Variants in XYLT1 observed in about 807,000 individuals in gnomAD.
The protein encoded by XYLT1 is beta-D-xylosyltransferase 1.
XYLT1 carries 36 observed loss-of-function variants against 91.3 expected under a neutral mutation model. The observed-to-expected ratio is 0.39, with a 90% CI of 0.30 to 0.52. The LOEUF is 0.52. XYLT1 is among the 20% of genes least tolerant of loss of function. The pLI is 0.68. For synonymous variants in XYLT1, 588 were observed against 532.0 expected (o/e 1.11, Z -1.45); for missense variants, 1,242 against 1,284.5 (o/e 0.97, Z 0.51).
rs138927961 is a variant in XYLT1, at chr16:17,465,670, G to A, written c.363+4764C>T. On this transcript the variant is annotated intron_variant, in intron 1 of 11. Coordinates refer to ENST00000261381, the MANE Select transcript of XYLT1 (RefSeq NM_022166.4). ...AGTACTCCTTCCTCTACCACATTCCGTCCTGCTCACACAGAAACAGCTATA... is the reference window on the plus strand; with the variant it reads ...AGTACTCCTTCCTCTACCACATTCCATCCTGCTCACACAGAAACAGCTATA... 5.2e-3 allele frequency among the ~76,000 whole-genome samples: 789 copies of A among 151,676 alleles called. 25 individuals are homozygous for A. Among genetic ancestry groups the A allele is most frequent in the Admixed American group, 0.048 (722 of 15,184 alleles).
At chr16:17,381,754 T>C (rs1200551616) in intron 1 of XYLT1, among the ~76,000 whole-genome samples, 1 of 152,162 alleles carries the variant, frequency 6.6e-6, no homozygotes, top group African/African-American at 2.4e-5. Context: ...TAAATGGAGA[T>C]TGAATTATTA....
intron 2 of XYLT1, among the ~76,000 whole-genome samples, chr16:17,326,193 CA>C (rs1272492224): frequency 6.7e-6 from 1 of 149,192 alleles, no homozygotes; most frequent in Non-Finnish European, 1.5e-5. Flanking sequence ...ACTCTCAATA[CA>C]TTTTTAAGTA....
rs1363097719 is a variant in XYLT1 at position 17,103,313 on chromosome 16, G to A, written c.*5382C>T. 2 of 152,680 alleles carry A rather than the reference G, an allele frequency of 1.3e-5. No individual in the cohort carries two copies. The highest frequency in any genetic ancestry group is 4.8e-5 in the African/African-American group (2 of 41,456). 9.5% of individuals were successfully genotyped at this position (152,680 alleles called of 1,614,324 possible). Reference sequence around the variant, plus strand: ...AGCCAGCCCATTACAGCAGCAGTATGCTCTGAGAGAGTGCTTCAGGAGTTG... The same window carrying A: ...AGCCAGCCCATTACAGCAGCAGTATACTCTGAGAGAGTGCTTCAGGAGTTG... On this transcript the variant is annotated 3_prime_UTR_variant, in exon 12 of 12. Coordinates refer to ENST00000261381, the MANE Select transcript of XYLT1 (RefSeq NM_022166.4).
rs1041258207 is a variant in XYLT1, at chr16:17,107,586, A to G, written c.*1109T>C. 21 of 152,660 alleles carry G rather than the reference A, an allele frequency of 1.4e-4. No individual in the cohort carries two copies. Among genetic ancestry groups the G allele is most frequent in the African/African-American group, 4.8e-4 (20 of 41,458 alleles). 9.5% of individuals were successfully genotyped at this position (152,660 alleles called of 1,614,324 possible). ...TGAAATGCTATTTCCTGGACGGGAA[A>G]AGTCTGGTTCATGTGGTTTGGTCAC... On this transcript the variant is annotated 3_prime_UTR_variant, in exon 12 of 12. Transcript: ENST00000261381.
chr16:17,405,570 CG>C (rs2036023650), intron 1 of XYLT1, among the ~76,000 whole-genome samples: 1 of 152,170 alleles, frequency 6.6e-6, no homozygotes, highest in Admixed American at 6.5e-5. Context: ...GCATCTTCCT[CG>C]GGGGCCGTAG....
intron 1 of XYLT1, among the ~76,000 whole-genome samples, chr16:17,417,959 C>T (rs543145019): frequency 1.3e-5 from 2 of 152,198 alleles, no homozygotes; most frequent in African/African-American, 2.4e-5. Context: ...TGAGCTCCCC[C>T]CAACAACCCT....
intron 1 of XYLT1, among the ~76,000 whole-genome samples, chr16:17,434,711 T>C (rs1163484874): frequency 6.6e-6 from 1 of 151,856 alleles, no homozygotes; most frequent in Non-Finnish European, 1.5e-5. Context: ...ATACTGATAA[T>C]TACAAAATTA....
At chr16:17,321,932 G>C (rs2034730580) in intron 2 of XYLT1, among the ~76,000 whole-genome samples, 1 of 152,184 alleles carries the variant, frequency 6.6e-6, no homozygotes, top group Admixed American at 6.5e-5. Context: ...GGACAGCGCA[G>C]CCTTGCTAAC....
rs568359410 is a variant in XYLT1 at position 17,239,705 on chromosome 16, T to C, written c.913+19283A>G. 2.6e-5 allele frequency among the ~76,000 whole-genome samples: 4 copies of C among 151,190 alleles called. No homozygotes were observed. The East Asian group carries it at 7.8e-4, about 30-fold the overall frequency. ...ATCCATTCATCCATCCACCCATCCA[T>C]CCATCCACCCACCGAGTCTGTCTGT... On this transcript the variant is annotated intron_variant, in intron 3 of 11. Coordinates refer to ENST00000261381, the MANE Select transcript of XYLT1 (RefSeq NM_022166.4).
chr16:17,163,685 G>T (rs2031604060), intron 5 of XYLT1, among the ~76,000 whole-genome samples: 1 of 152,158 alleles, frequency 6.6e-6, no homozygotes, highest in Non-Finnish European at 1.5e-5. Flanking sequence ...TGCCAGGTGT[G>T]CACAGAGCCC....
Position 17,123,899 on chromosome 16 carries a change from C to CT in XYLT1, c.2223+3766dup, listed in dbSNP as rs1375907006. ...ATCATTATATAATGTCCCTCTTTGT[C>CT]TTTTTTAATTGCTGTTGCTTTAAAG... is the stretch of plus-strand genomic sequence containing the variant. On this transcript the variant is annotated intron_variant, in intron 10 of 11. Transcript: ENST00000261381. Among the ~76,000 whole-genome samples, 4 of 152,174 alleles carry CT rather than the reference C, an allele frequency of 2.6e-5. No individual in the cohort carries two copies. The South Asian group carries it at 6.3e-4, about 24-fold the overall frequency.
At chr16:17,297,050 A>G (rs1014249765) in intron 2 of XYLT1, among the ~76,000 whole-genome samples, 1 of 152,208 alleles carries the variant, frequency 6.6e-6, no homozygotes, top group African/African-American at 2.4e-5. Flanking sequence ...CATTGTGCTC[A>G]ATGCTTTAGA....
chr16:17,470,729 G>A lies in XYLT1; in HGVS notation c.68C>T (p.Thr23Met), dbSNP rs1192305133. 5 of 1,147,932 alleles carry A rather than the reference G, an allele frequency of 4.4e-6. No homozygotes were observed. The highest frequency in any genetic ancestry group is 5.5e-6 in the Non-Finnish European group (5 of 917,206). 71.1% of individuals were successfully genotyped at this position (1,147,932 alleles called of 1,614,324 possible). Reference protein sequence around the residue: ...RSHSALLAALTVLLLQTLVVW... With the variant: ...RSHSALLAALMVLLLQTLVVW... ...GACCAGCGTCTGCAGCAGCAGCACC[G>A]TGAGCGCCGCGAGCAGCGCCGAGTG... Residue 23 changes from threonine (T) to methionine (M), a missense_variant, in exon 1 of 12, where the codon ACG (threonine) becomes ATG (methionine). This residue lies in a region of XYLT1 where 437 missense variants were observed against 411.5 expected (regional missense o/e 1.06). Transcript: ENST00000261381.
chr16:17,466,328 T>A (rs1334062307), intron 1 of XYLT1, among the ~76,000 whole-genome samples: 1 of 152,166 alleles, frequency 6.6e-6, no homozygotes, highest in African/African-American at 2.4e-5. Flanking sequence ...GAAACACTCA[T>A]ATAGATGGAT....
At chr16:17,300,526 G>A (rs535813109) in intron 2 of XYLT1, among the ~76,000 whole-genome samples, 120 of 121,464 alleles carry the variant, frequency 9.9e-4, no homozygotes, top group Admixed American at 1.8e-3. Flanking sequence ...GCACGATCTC[G>A]GCTCACTGAA....
At chr16:17,441,371 A>G (rs2141941629) in intron 1 of XYLT1, among the ~76,000 whole-genome samples, 1 of 152,296 alleles carries the variant, frequency 6.6e-6, no homozygotes, top group African/African-American at 2.4e-5. Flanking sequence ...AGTTGTTAAT[A>G]TTTATTAAAT....
chr16:17,330,766 C>T (rs189473160), intron 2 of XYLT1, among the ~76,000 whole-genome samples: 64 of 150,806 alleles, frequency 4.2e-4, no homozygotes, highest in African/African-American at 1.5e-3. Flanking sequence ...TGCACTCCAG[C>T]ATGGGGGACA....
intron 8 of XYLT1, among the ~76,000 whole-genome samples, chr16:17,135,087 CAAAT>C (rs1185186921): frequency 6.6e-6 from 1 of 152,070 alleles, no homozygotes; most frequent in Admixed American, 6.5e-5. Context: ...TAATCTAGGG[CAAAT>C]AAATACAGCC....
intron 2 of XYLT1, among the ~76,000 whole-genome samples, chr16:17,289,681 C>T (rs80202818): frequency 2.6e-5 from 4 of 152,116 alleles, no homozygotes; most frequent in African/African-American, 9.7e-5. Flanking sequence ...GACTCCTATT[C>T]AGAATATTAA....
Sources: gnomAD v4.1 joint callset for allele counts (sites outside exome capture counted in the v4.1 genomes callset) on GRCh38, gnomAD v4.1.1 for gene constraint, gnomAD v4.1.1 regional missense constraint, MANE v1.5 for transcripts, NCBI Gene and HGNC (gene_info 2026-07-23, HGNC 2026-07-21) for gene names.